DCC: variants seen among roughly 807,000 people sequenced by gnomAD.
The protein encoded by DCC is netrin receptor DCC.
In DCC, 58 loss-of-function variants were observed where a neutral mutation model predicts 172.5. That is an observed-to-expected ratio of 0.34 (90% CI 0.27 to 0.42). The LOEUF is 0.42. Ranked by LOEUF, DCC falls within the 10% of genes least tolerant of loss-of-function variation. The probability of loss-of-function intolerance (pLI) is 1.00; values close to 1 mark genes in which losing one functional copy is unlikely to be tolerated. For synonymous variants in DCC, 709 were observed against 644.5 expected (o/e 1.10, Z -1.52); for missense variants, 1,740 against 1,791.0 (o/e 0.97, Z 0.51).
chr18:52,498,480 C>G (rs902530510), intron 1 of DCC, among the ~76,000 whole-genome samples: 1 of 151,820 alleles, frequency 6.6e-6, no homozygotes, highest in Non-Finnish European at 1.5e-5. Flanking sequence ...AAAAATTAGC[C>G]GTGCATGGTG....
rs564926770 is a variant in DCC at position 52,864,168 on chromosome 18, A to G, written c.413-41876A>G. On this transcript the variant is annotated intron_variant, in intron 2 of 28. Transcript: ENST00000442544. ...AGTTTAAAAGGGCAGTTGGATTAAA[A>G]CTGTATCTCTGTAAGTGGAACAACT... is the stretch of plus-strand genomic sequence containing the variant. 6.6e-5 allele frequency among the ~76,000 whole-genome samples: 10 copies of G among 152,332 alleles called. No homozygotes were observed. The South Asian group carries it at 2.1e-3, about 32-fold the overall frequency.
chr18:52,617,629 A>G (rs117431662), intron 1 of DCC, among the ~76,000 whole-genome samples: 6,060 of 152,042 alleles, frequency 0.04, 154 homozygotes, highest in Non-Finnish European at 0.053. Context: ...TCTTCTCCTA[A>G]CCCAGATTTG....
At chr18:53,423,318 A>G (rs571447061) in intron 21 of DCC, among the ~76,000 whole-genome samples, 1 of 152,266 alleles carries the variant, frequency 6.6e-6, no homozygotes, top group African/African-American at 2.4e-5. Flanking sequence ...GCCCACTTCA[A>G]TCAGCCCTAG....
chr18:53,235,753 T>C (rs1259388744), intron 12 of DCC, among the ~76,000 whole-genome samples: 3 of 152,152 alleles, frequency 2.0e-5, no homozygotes, highest in Non-Finnish European at 4.4e-5. Flanking sequence ...ACAGAAACTC[T>C]ACACCTCTTT....
intron 7 of DCC, among the ~76,000 whole-genome samples, chr18:53,077,581 G>C (rs571125400): frequency 9.9e-4 from 150 of 152,268 alleles, no homozygotes; most frequent in African/African-American, 3.5e-3. Context: ...AGAGAAGCCA[G>C]GGTATGATGA....
intron 1 of DCC, among the ~76,000 whole-genome samples, chr18:52,688,126 CTT>C (rs35412820): frequency 0.058 from 8,298 of 144,002 alleles, 341 homozygotes; most frequent in African/African-American, 0.12. Context: ...CAGGGATCTT[CTT>C]TTTTTTTTTT....
intron 5 of DCC, among the ~76,000 whole-genome samples, chr18:52,999,930 G>C (rs2041538303): frequency 6.6e-6 from 1 of 151,986 alleles, no homozygotes; most frequent in Non-Finnish European, 1.5e-5. Flanking sequence ...GTCTTTATAA[G>C]GGAATACATA....
At chr18:53,287,366 T>C (rs1300227540) in intron 12 of DCC, among the ~76,000 whole-genome samples, 2 of 152,240 alleles carry the variant, frequency 1.3e-5, no homozygotes, top group Non-Finnish European at 2.9e-5. Context: ...TACTACATTT[T>C]GTTTACCCAT....
intron 12 of DCC, among the ~76,000 whole-genome samples, chr18:53,288,887 T>C (rs980306532): frequency 1.3e-5 from 2 of 152,154 alleles, no homozygotes; most frequent in Non-Finnish European, 1.5e-5. Flanking sequence ...TTGACCTGAC[T>C]GGCTGTTGAA....
chr18:52,896,390 C>T (rs1328682456), intron 2 of DCC, among the ~76,000 whole-genome samples: 4 of 152,098 alleles, frequency 2.6e-5, no homozygotes, highest in East Asian at 1.9e-4. Context: ...CACAGTTAAG[C>T]GACCTCTTTC....
chr18:53,088,885 A>G (rs2042961427), intron 7 of DCC, among the ~76,000 whole-genome samples: 1 of 152,212 alleles, frequency 6.6e-6, no homozygotes, highest in Admixed American at 6.5e-5. Flanking sequence ...AAAAAAGATT[A>G]GCCAGAAACG....
intron 3 of DCC, among the ~76,000 whole-genome samples, chr18:52,908,272 C>G (rs1400701540): frequency 2.0e-5 from 3 of 152,182 alleles, no homozygotes; most frequent in Non-Finnish European, 4.4e-5. Flanking sequence ...TTTGCAGATT[C>G]TCTACTCCAT....
At chr18:52,664,952 G>A (rs2035437474) in intron 1 of DCC, among the ~76,000 whole-genome samples, 1 of 152,182 alleles carries the variant, frequency 6.6e-6, no homozygotes, top group Admixed American at 6.5e-5. Context: ...CTCAGATGCT[G>A]CCCTCTGCAA....
intron 25 of DCC, among the ~76,000 whole-genome samples, chr18:53,468,358 A>ATTTATTTATTTATTTAT (rs1568151551): frequency 3.6e-5 from 1 of 27,792 alleles, no homozygotes. Context: ...TTATTTATTT[A>ATTTATTTATTTATTTAT]TTTATTTTAT....
chr18:52,679,828 G>T (rs907404321), intron 1 of DCC, among the ~76,000 whole-genome samples: 5 of 151,960 alleles, frequency 3.3e-5, no homozygotes, highest in Non-Finnish European at 5.9e-5. Flanking sequence ...ATCTTTCTAG[G>T]TTATTAAAAT....
intron 27 of DCC, among the ~76,000 whole-genome samples, chr18:53,504,949 AAGAT>A (rs151116327): frequency 2.0e-5 from 3 of 152,140 alleles, no homozygotes; most frequent in Non-Finnish European, 2.9e-5. Context: ...ACTAACTTTG[AAGAT>A]AGATAGATAC....
chr18:52,442,969 G>A (rs370911566), intron 1 of DCC, among the ~76,000 whole-genome samples: 7 of 151,804 alleles, frequency 4.6e-5, no homozygotes, highest in Admixed American at 4.6e-4. Context: ...CTTCTCATGA[G>A]GAAAATAGGG....
chr18:52,706,987 G>A (rs2036222327), intron 1 of DCC, among the ~76,000 whole-genome samples: 2 of 152,126 alleles, frequency 1.3e-5, no homozygotes, highest in Admixed American at 6.5e-5. Flanking sequence ...TGATGCAGAG[G>A]GATGGAGGTA....
intron 5 of DCC, among the ~76,000 whole-genome samples, chr18:52,980,221 C>A (rs66804102): frequency 0.05 from 7,559 of 152,190 alleles, 322 homozygotes; most frequent in East Asian, 0.21. Context: ...AGTCGTCATG[C>A]GGCTCCAGCT....
Sources: gnomAD v4.1 joint callset for allele counts (sites outside exome capture counted in the v4.1 genomes callset) on GRCh38, gnomAD v4.1.1 for gene constraint, MANE v1.5 for transcripts, NCBI Gene and HGNC (gene_info 2026-07-23, HGNC 2026-07-21) for gene names.